CD99L2: variants seen among roughly 807,000 people sequenced by gnomAD.
CD99L2 encodes the protein CD99 molecule like 2, also known as CD99 antigen-like protein 2.
In CD99L2, 24 loss-of-function variants were observed where a neutral mutation model predicts 27.3. The ratio of observed to expected loss-of-function variants is 0.88; its 90% CI spans 0.64 to 1.24. CD99L2 has a LOEUF of 1.24. CD99L2 is among the 50% of genes most tolerant of loss of function. The pLI, the probability that CD99L2 is intolerant of heterozygous loss-of-function variation, is 0.00. For synonymous variants in CD99L2, 97 were observed against 87.9 expected, an observed-to-expected ratio of 1.10 and a Z score of -0.58; for missense variants, 255 against 221.6, an observed-to-expected ratio of 1.15 and a Z score of -0.96.
chrX:150,823,974 A>G (rs1160193267), intron 2 of CD99L2, among the ~76,000 whole-genome samples: 1 of 108,013 alleles, frequency 9.3e-6, no homozygotes, highest in Non-Finnish European at 1.9e-5. Context: ...ACCCTGTCTC[A>G]TTTGTAGAAA....
At chrX:150,839,871 C>T (rs1416058506) in intron 1 of CD99L2, among the ~76,000 whole-genome samples, 2 of 108,277 alleles carry the variant, frequency 1.8e-5, no homozygotes, top group African/African-American at 6.7e-5. Flanking sequence ...CTCATCTCTA[C>T]TAAGAATAAA....
intron 2 of CD99L2, among the ~76,000 whole-genome samples, chrX:150,824,399 G>C (rs868988438): frequency 4.3e-5 from 4 of 93,276 alleles, no homozygotes; most frequent in Admixed American, 1.2e-4. Context: ...AGAAGAAGAA[G>C]AAAGAAGAAG....
At chrX:150,799,883 C>T (rs1310628218) in intron 4 of CD99L2, among the ~76,000 whole-genome samples, 7 of 111,552 alleles carry the variant, frequency 6.3e-5, no homozygotes, top group Non-Finnish European at 7.5e-5. Flanking sequence ...TAGGTCCATA[C>T]CCATATGAAT....
chrX:150,824,497 AAAG>A (rs201254718), intron 2 of CD99L2, among the ~76,000 whole-genome samples: 244 of 90,346 alleles, frequency 2.7e-3, no homozygotes, highest in South Asian at 7.5e-3. Flanking sequence ...GAAGAAGAAG[AAAG>A]AAGAAGAAGA....
At chrX:150,855,960 T>A (rs782688100) in intron 1 of CD99L2, among the ~76,000 whole-genome samples, 1 of 111,776 alleles carries the variant, frequency 8.9e-6, no homozygotes, top group South Asian at 3.8e-4. Flanking sequence ...ACTCATACAG[T>A]CACTTAAATC....
At chrX:150,859,192 G>T (rs2046936082) in intron 1 of CD99L2, among the ~76,000 whole-genome samples, 1 of 111,763 alleles carries the variant, frequency 8.9e-6, no homozygotes, top group Non-Finnish European at 1.9e-5. Context: ...AACGAGTAAT[G>T]AGAGTAAATC....
chrX:150,787,509 T>C (rs782430522), intron 7 of CD99L2, among the ~76,000 whole-genome samples: 4 of 110,916 alleles, frequency 3.6e-5, no homozygotes, highest in East Asian at 5.7e-4. Flanking sequence ...TGTCCATCAA[T>C]GATAGACTGG....
intron 4 of CD99L2, among the ~76,000 whole-genome samples, chrX:150,802,748 A>AT (rs1173875306): frequency 2.9e-5 from 3 of 102,111 alleles, no homozygotes; most frequent in Non-Finnish European, 4.0e-5. Flanking sequence ...CGCCCAGCTA[A>AT]TTTTTTGTAT....
chrX:150,789,279 T>C (rs1441642212), intron 7 of CD99L2, among the ~76,000 whole-genome samples: 1 of 109,504 alleles, frequency 9.1e-6, no homozygotes, highest in Non-Finnish European at 1.9e-5. Context: ...CGTGCTACCA[T>C]GCCCAGCTAA....
chrX:150,778,684 AAAT>A (rs1272004718), intron 7 of CD99L2, among the ~76,000 whole-genome samples: 873 of 23,554 alleles, frequency 0.037, 13 homozygotes, highest in East Asian at 0.1. Flanking sequence ...AAAAAAAAAA[AAAT>A]ATATATATAT....
intron 2 of CD99L2, among the ~76,000 whole-genome samples, chrX:150,829,974 C>T (rs1386526807): frequency 1.8e-5 from 2 of 109,767 alleles, no homozygotes; most frequent in Non-Finnish European, 1.9e-5. Flanking sequence ...CTGGGCAACA[C>T]GGTGAAATCC....
chrX:150,895,910 C>T (rs1162904616), intron 1 of CD99L2, among the ~76,000 whole-genome samples: 1 of 108,236 alleles, frequency 9.2e-6, no homozygotes, highest in Admixed American at 1.0e-4. Context: ...CCTGTAGTCC[C>T]AGCTACTCAG....
chrX:150,822,418 G>A (rs1003506396), intron 2 of CD99L2, among the ~76,000 whole-genome samples: 1 of 111,955 alleles, frequency 8.9e-6, no homozygotes, highest in Non-Finnish European at 1.9e-5. Context: ...GCTGTGAAGT[G>A]ATGGAAATGT....
At chrX:150,842,239 T>C (rs2046632993) in intron 1 of CD99L2, among the ~76,000 whole-genome samples, 1 of 112,156 alleles carries the variant, frequency 8.9e-6, no homozygotes, top group Admixed American at 9.5e-5. Context: ...CTTGAGAAGA[T>C]TAATTTCATA....
At chrX:150,771,656 A>AG in intron 9 of CD99L2, 1 of 596,194 alleles carries the variant, frequency 1.7e-6, no homozygotes. Context: ...CATCAGGGTA[A>AG]GCTAAAGATG....
At chrX:150,886,206 T>C (rs2047407056) in intron 1 of CD99L2, among the ~76,000 whole-genome samples, 1 of 112,302 alleles carries the variant, frequency 8.9e-6, no homozygotes, top group Non-Finnish European at 1.9e-5. Context: ...TAGTGACTCG[T>C]GAACAATACT....
At chrX:150,891,843 T>C (rs983361026) in intron 1 of CD99L2, among the ~76,000 whole-genome samples, 1 of 111,948 alleles carries the variant, frequency 8.9e-6, no homozygotes, top group Non-Finnish European at 1.9e-5. Flanking sequence ...CCAGTCTGGA[T>C]TGGGGGACAG....
chrX:150,827,729 C>T (rs1250463721), intron 2 of CD99L2, among the ~76,000 whole-genome samples: 1 of 111,648 alleles, frequency 9.0e-6, no homozygotes, highest in African/African-American at 3.3e-5. Context: ...GCCCAAACCG[C>T]TCACCTCACA....
rs782774913 is a variant in CD99L2, at chrX:150,824,707, G to GGAAGAGGAAGAGGAAGAA, written c.130+6523_130+6524insTTCTTCCTCTTCCTCTTC. ...AAGAAGAGGAAGAGGAAGAGGAAGA[G>GGAAGAGGAAGAGGAAGAA]GAAGAAGAAGAAGAAGAAGAAGAAA... On this transcript the variant is annotated intron_variant, in intron 2 of 10. Coordinates refer to ENST00000370377, the MANE Select transcript of CD99L2 (RefSeq NM_031462.4). 6.4e-5 allele frequency among the ~76,000 whole-genome samples: 6 copies of GGAAGAGGAAGAGGAAGAA among 93,619 alleles called. No homozygotes were observed. The East Asian group carries it at 1.0e-3, about 16-fold the overall frequency. The allele number at this position is 93,619 out of a possible 115,157, so 81.3% of individuals were successfully genotyped here. A position where few individuals can be genotyped will look rare whatever the true frequency, so the allele number is the denominator to read the frequency against.
Sources: allele counts gnomAD v4.1 joint callset (sites outside exome capture counted in the v4.1 genomes callset), GRCh38; gene constraint gnomAD v4.1.1; transcripts MANE v1.5; gene names NCBI Gene and HGNC (gene_info 2026-07-23, HGNC 2026-07-21).